The following PEX5L variants were observed in gnomAD, a reference collection of about 807,000 sequenced individuals.
PEX5L encodes the protein PEX5-related protein.
In PEX5L, 30 loss-of-function variants were observed where a neutral mutation model predicts 84.0. That is an observed-to-expected ratio of 0.36 (90% CI 0.27 to 0.48). The LOEUF is 0.48. Ranked by LOEUF, PEX5L falls within the 20% of genes least tolerant of loss-of-function variation. The pLI, the probability that PEX5L is intolerant of heterozygous loss-of-function variation, is 0.99. For synonymous variants in PEX5L, 270 were observed against 283.1 expected (o/e 0.95, Z 0.46); for missense variants, 533 against 754.6 (o/e 0.71, Z 3.44).
intron 1 of PEX5L, among the ~76,000 whole-genome samples, chr3:180,027,575 C>T (rs1529269): frequency 0.34 from 52,010 of 151,922 alleles, 11,705 homozygotes; most frequent in African/African-American, 0.65. Flanking sequence ...TCATACAGTA[C>T]GTGTATGTCC....
chr3:179,811,707 T>G, intron 11 of PEX5L, 94 bp downstream of exon 11: 1 of 930,826 alleles, frequency 1.1e-6, no homozygotes, highest in Non-Finnish European at 1.8e-6. Context: ...TTCTTTACAC[T>G]GTACTTCAGT....
chr3:179,873,092 T>C (rs1040431973), intron 7 of PEX5L, among the ~76,000 whole-genome samples: 7 of 152,162 alleles, frequency 4.6e-5, no homozygotes, highest in East Asian at 1.9e-4. Flanking sequence ...AGAGGCTTTC[T>C]ATTTGCTGAA....
intron 2 of PEX5L, among the ~76,000 whole-genome samples, chr3:179,965,990 G>C (rs1006450396): frequency 3.3e-5 from 5 of 152,298 alleles, no homozygotes; most frequent in Admixed American, 3.3e-4. Flanking sequence ...AGATGGGATT[G>C]ATTGGACTGC....
intron 1 of PEX5L, among the ~76,000 whole-genome samples, chr3:180,026,259 A>G (rs2108340098): frequency 6.6e-6 from 1 of 151,832 alleles, no homozygotes; most frequent in East Asian, 1.9e-4. Context: ...TGAACTCTAA[A>G]GACCTTTATA....
At chr3:179,976,471 T>A (rs1785802246) in intron 1 of PEX5L, among the ~76,000 whole-genome samples, 1 of 152,070 alleles carries the variant, frequency 6.6e-6, no homozygotes, top group African/African-American at 2.4e-5. Context: ...GGAGTCTCGC[T>A]CTGTCGCCCA....
rs544307138 is a variant in PEX5L at position 179,867,031 on chromosome 3, A to G, written c.726+7296T>C. On this transcript the variant is annotated intron_variant, in intron 7 of 14. Transcript: ENST00000467460. ...ACAGAGCAAGACTCTGTCTCAAAAA[A>G]AAAAAAAAAAGAAAAAAAAAAAAGA... Among the ~76,000 whole-genome samples the G allele has an allele frequency of 4.5e-4, 67 of 150,318 alleles. 2 individuals are homozygous for G. In the South Asian group the frequency reaches 0.013, roughly 30 times the overall value.
intron 2 of PEX5L, among the ~76,000 whole-genome samples, chr3:179,964,058 A>G (rs962986420): frequency 2.6e-5 from 4 of 152,048 alleles, no homozygotes; most frequent in Admixed American, 6.6e-5. Context: ...TTCATTATCC[A>G]TTAATTCATT....
chr3:180,016,466 A>G (rs1789957411), intron 1 of PEX5L, among the ~76,000 whole-genome samples: 2 of 152,238 alleles, frequency 1.3e-5, no homozygotes, highest in African/African-American at 2.4e-5. Context: ...TATCTCTGCA[A>G]CTGACCTTTA....
intron 1 of PEX5L, among the ~76,000 whole-genome samples, chr3:179,996,255 T>A (rs1206726292): frequency 6.6e-6 from 1 of 152,270 alleles, no homozygotes; most frequent in African/African-American, 2.4e-5. Flanking sequence ...CTAATTTATA[T>A]ATGCAGAAAT....
At chr3:179,900,746 TCA>T (rs2109017586) in intron 2 of PEX5L, 2 of 1,532,350 alleles carry the variant, frequency 1.3e-6, no homozygotes, top group East Asian at 4.9e-5. Context: ...CTGAAAAGAG[TCA>T]TGACACACCC....
At chr3:180,010,381 A>C (rs543698152) in intron 1 of PEX5L, among the ~76,000 whole-genome samples, 15 of 149,998 alleles carry the variant, frequency 1.0e-4, no homozygotes, top group Non-Finnish European at 1.6e-4. Flanking sequence ...TGATTATTAT[A>C]ACTGGGAGGG....
intron 8 of PEX5L, 125 bp from the exon 9 acceptor site, chr3:179,820,101 C>A: frequency 7.3e-7 from 1 of 1,371,234 alleles, no homozygotes; most frequent in Non-Finnish European, 1.0e-6. Flanking sequence ...TGACATCCAA[C>A]TGATAGGCGT....
rs996586641 is a variant in PEX5L, at chr3:179,795,149, C to T, written c.*6679G>A. 4.6e-5 allele frequency: 7 copies of T among 152,138 alleles called. No homozygotes were observed. Among genetic ancestry groups the T allele is most frequent in the Admixed American group, 4.6e-4 (7 of 15,264 alleles). 9.4% of individuals were successfully genotyped at this position (152,138 alleles called of 1,614,324 possible). On this transcript the variant is annotated 3_prime_UTR_variant, in exon 15 of 15. Coordinates refer to ENST00000467460, the MANE Select transcript of PEX5L (RefSeq NM_016559.3). The stretch of plus-strand genomic sequence containing the variant: ...GATATTCAATATTTAATAAAAGGAC[C>T]TTTAGCCAGTAGTACAAATTGGATT...
intron 7 of PEX5L, among the ~76,000 whole-genome samples, chr3:179,871,655 GC>G (rs1560473496): frequency 6.6e-6 from 1 of 152,170 alleles, no homozygotes. Flanking sequence ...TCAAAGGGGG[GC>G]AATTGTTCAA....
rs192340549 is a variant in PEX5L at position 179,980,773 on chromosome 3, G to A, written c.22-9108C>T. Among the ~76,000 whole-genome samples, 382 of 152,252 alleles carry A rather than the reference G, an allele frequency of 2.5e-3. 1 individual carries two copies. The highest frequency in any genetic ancestry group is 8.7e-3 in the African/African-American group (361 of 41,536). On this transcript the variant is annotated intron_variant, in intron 1 of 14. Transcript: ENST00000467460. ...AACAGCAGAGTTGGCCAGGAGCGGTGGCTCACACCTGTAATCCCAGCACTT... is the reference window on the plus strand; with the variant it reads ...AACAGCAGAGTTGGCCAGGAGCGGTAGCTCACACCTGTAATCCCAGCACTT...
chr3:179,949,495 A>G (rs931652395), intron 2 of PEX5L, among the ~76,000 whole-genome samples: 1 of 152,214 alleles, frequency 6.6e-6, no homozygotes, highest in South Asian at 2.1e-4. Context: ...AGACCAAGCA[A>G]CTGCTCCCTT....
At chr3:179,967,351 GA>G (rs1236684630) in intron 2 of PEX5L, among the ~76,000 whole-genome samples, 3 of 152,114 alleles carry the variant, frequency 2.0e-5, no homozygotes, top group Admixed American at 6.6e-5. Context: ...CTAAACTGGG[GA>G]TGAAGGGAGG....
At chr3:179,967,708 A>G (rs1332574698) in intron 2 of PEX5L, among the ~76,000 whole-genome samples, 1 of 152,158 alleles carries the variant, frequency 6.6e-6, no homozygotes, top group Non-Finnish European at 1.5e-5. Flanking sequence ...CAGGTTGAAG[A>G]ATGTTAAATT....
intron 2 of PEX5L, among the ~76,000 whole-genome samples, chr3:179,933,587 A>C (rs1773720216): frequency 6.6e-6 from 1 of 152,230 alleles, no homozygotes; most frequent in South Asian, 2.1e-4. Flanking sequence ...TGAAATACAA[A>C]TGGAATTTTA....
Sources: gnomAD v4.1 joint callset for allele counts (sites outside exome capture counted in the v4.1 genomes callset) on GRCh38, gnomAD v4.1.1 for gene constraint, MANE v1.5 for transcripts, NCBI Gene and HGNC (gene_info 2026-07-23, HGNC 2026-07-21) for gene names.